EPC2: variants seen among roughly 807,000 people sequenced by gnomAD.
EPC2 encodes enhancer of polycomb homolog 2.
A neutral mutation model predicts 92.1 loss-of-function variants in EPC2; 14 were observed. That is an observed-to-expected ratio of 0.15 (90% confidence interval 0.10 to 0.24). The LOEUF (loss-of-function observed/expected upper bound fraction) is 0.24, where lower values mean the gene tolerates loss of function less well. Among genes scored for constraint, EPC2 ranks in the 10% least tolerant of loss-of-function variants. The pLI is 1.00. For missense variants in EPC2, 755 were observed against 971.5 expected (o/e 0.78, Z 2.96); for synonymous variants, 340 against 334.7 (o/e 1.02, Z -0.17).
At chr2:148,693,699 C>T (rs1171327431) in intron 2 of EPC2, among the ~76,000 whole-genome samples, 1 of 152,156 alleles carries the variant, frequency 6.6e-6, no homozygotes, top group Non-Finnish European at 1.5e-5. Context: ...TTTCTTTAAC[C>T]CATCATGCTT....
intron 11 of EPC2, among the ~76,000 whole-genome samples, chr2:148,782,969 AG>A (rs1683784631): frequency 6.6e-6 from 1 of 152,200 alleles, no homozygotes. Flanking sequence ...CCATTCTCAA[AG>A]GGTCAGTACA....
chr2:148,690,817 C>T (rs1345343027), intron 2 of EPC2, among the ~76,000 whole-genome samples: 1 of 152,116 alleles, frequency 6.6e-6, no homozygotes, highest in Non-Finnish European at 1.5e-5. Flanking sequence ...CGTGTGCCAC[C>T]ACACCCAGCT....
intron 2 of EPC2, among the ~76,000 whole-genome samples, chr2:148,721,091 TAA>T: frequency 6.6e-6 from 1 of 152,166 alleles, no homozygotes; most frequent in Non-Finnish European, 1.5e-5. Context: ...AGTAAGAAAA[TAA>T]AAGTTTTTAT....
chr2:148,676,684 T>G (rs762597182), intron 1 of EPC2, among the ~76,000 whole-genome samples: 15 of 151,922 alleles, frequency 9.9e-5, no homozygotes, highest in South Asian at 4.2e-4. Context: ...TCTAAAGTTA[T>G]GTTGTTTTTT....
intron 11 of EPC2, 88 bp from the exon 12 acceptor site, chr2:148,783,509 C>A: frequency 8.0e-7 from 1 of 1,253,640 alleles, no homozygotes; most frequent in Non-Finnish European, 1.1e-6. Flanking sequence ...GTTAGAAAGG[C>A]AACAGCCTCT....
At chr2:148,656,502 G>A (rs1054215326) in intron 1 of EPC2, among the ~76,000 whole-genome samples, 5 of 152,094 alleles carry the variant, frequency 3.3e-5, no homozygotes, top group African/African-American at 1.2e-4. Flanking sequence ...TTTGAAGAAA[G>A]CCATCCTATT....
intron 1 of EPC2, chr2:148,645,371 C>T: frequency 5.6e-6 from 3 of 536,814 alleles, no homozygotes; most frequent in South Asian, 4.2e-5. Context: ...TTGTTGCGTC[C>T]CAGTGTTGTG....
chr2:148,694,984 G>A (rs1328643920), intron 2 of EPC2, among the ~76,000 whole-genome samples: 2 of 152,198 alleles, frequency 1.3e-5, no homozygotes, highest in African/African-American at 4.8e-5. Context: ...TGTTGGCCAG[G>A]CTTATCTTGG....
rs570011607 is a variant in EPC2, at chr2:148,715,698, C to T, written c.313+25325C>T. Among the ~76,000 whole-genome samples, 3 of 152,264 alleles carry T rather than the reference C, an allele frequency of 2.0e-5. No individual in the cohort carries two copies. In the East Asian group the frequency reaches 5.8e-4, roughly 29 times the overall value. On this transcript the variant is annotated intron_variant, in intron 2 of 13. Transcript: ENST00000258484. ...TTCTTTTTGCTTAGGATTGTCTTGG[C>T]TACTCGGGCTCTTTTTTGGTTCCAT...
intron 1 of EPC2, among the ~76,000 whole-genome samples, chr2:148,673,286 TTC>T (rs750141484): frequency 1.3e-5 from 2 of 152,196 alleles, no homozygotes; most frequent in Non-Finnish European, 2.9e-5. Flanking sequence ...TCTCTGTCCC[TTC>T]TCTCTCTAAC....
At chr2:148,735,872 A>T (rs1187662366) in intron 2 of EPC2, among the ~76,000 whole-genome samples, 1 of 152,000 alleles carries the variant, frequency 6.6e-6, no homozygotes, top group East Asian at 1.9e-4. Flanking sequence ...AACAGCTGAT[A>T]CTTTTGAATT....
intron 4 of EPC2, among the ~76,000 whole-genome samples, chr2:148,755,374 T>C (rs996951834): frequency 2.0e-5 from 3 of 152,020 alleles, no homozygotes; most frequent in African/African-American, 7.2e-5. Flanking sequence ...TTTATCTAAA[T>C]CATTAAAAAA....
intron 4 of EPC2, among the ~76,000 whole-genome samples, chr2:148,759,021 A>G (rs2105420782): frequency 6.6e-6 from 1 of 152,374 alleles, no homozygotes; most frequent in South Asian, 2.1e-4. Flanking sequence ...ACAGAAGATT[A>G]AAGAAACATG....
At chr2:148,753,770 T>C in intron 3 of EPC2, 157 bp from the exon 4 acceptor site, 1 of 595,552 alleles carries the variant, frequency 1.7e-6, no homozygotes, top group South Asian at 2.4e-5. Context: ...AATTAATGAT[T>C]CCTTCATTAG....
chr2:148,755,115 G>C (rs1558830632), intron 4 of EPC2, among the ~76,000 whole-genome samples: 1 of 152,018 alleles, frequency 6.6e-6, no homozygotes, highest in Non-Finnish European at 1.5e-5. Context: ...CTCTCTTCCT[G>C]GTTAATAACC....
Position 148,775,730 on chromosome 2 carries a change from T to TTTATTAAATAAAAAA in EPC2, c.1720+4346_1720+4347insTTAAATAAAAAATTA, listed in dbSNP as rs1302733777. On this transcript the variant is annotated intron_variant, in intron 10 of 13. Coordinates refer to ENST00000258484, the MANE Select transcript of EPC2 (RefSeq NM_015630.4). ...TTTATTAAATAAAAAATTAAATATC[T>TTTATTAAATAAAAAA]TTAAATATCTTTAAATATTTAAAGA... Among the ~76,000 whole-genome samples, 80 of 95,204 alleles carry TTTATTAAATAAAAAA rather than the reference T, an allele frequency of 8.4e-4. No individual in the cohort carries two copies. In the East Asian group the frequency reaches 0.026, roughly 31 times the overall value. The allele number at this position is 95,204 out of a possible 152,430, so 62.5% of individuals were successfully genotyped here. A position where few individuals can be genotyped will look rare whatever the true frequency, so the allele number is the denominator to read the frequency against.
intron 10 of EPC2, among the ~76,000 whole-genome samples, chr2:148,780,994 G>T (rs1446940820): frequency 1.3e-5 from 2 of 152,122 alleles, no homozygotes; most frequent in African/African-American, 4.8e-5. Context: ...AACACAGTTG[G>T]TCGCAGTAGA....
At chr2:148,760,247 ACT>A (rs1469974298) in intron 4 of EPC2, among the ~76,000 whole-genome samples, 2 of 152,090 alleles carry the variant, frequency 1.3e-5, no homozygotes, top group Admixed American at 6.6e-5. Flanking sequence ...ACAGAGTGAG[ACT>A]CTGTCTCACA....
intron 10 of EPC2, among the ~76,000 whole-genome samples, chr2:148,777,219 T>A (rs1683664886): frequency 6.6e-6 from 1 of 152,136 alleles, no homozygotes; most frequent in African/African-American, 2.4e-5. Flanking sequence ...TAACAAAGAC[T>A]GACCTGGTAG....
Sources: allele counts gnomAD v4.1 joint callset (sites outside exome capture counted in the v4.1 genomes callset), GRCh38; gene constraint gnomAD v4.1.1; transcripts MANE v1.5; gene names NCBI Gene and HGNC (gene_info 2026-07-23, HGNC 2026-07-21).